The following TUB variants were observed in gnomAD, a reference collection of about 807,000 sequenced individuals.
TUB encodes the protein TUB bipartite transcription factor, also known as tubby protein homolog.
Under a neutral mutation model 59.7 loss-of-function variants are expected in TUB, and 33 were observed. The observed-to-expected ratio is 0.55, with a 90% CI of 0.42 to 0.74. The LOEUF (loss-of-function observed/expected upper bound fraction) is 0.74, where lower values mean the gene tolerates loss of function less well. Among genes scored for constraint, TUB ranks in the 30% least tolerant of loss-of-function variants. The pLI is 0.00. For synonymous variants in TUB, 293 were observed against 256.4 expected (o/e 1.14, Z -1.36); for missense variants, 659 against 672.0 (o/e 0.98, Z 0.21).
chr11:8,054,251 G>C (rs1942979832), intron 2 of TUB, among the ~76,000 whole-genome samples: 1 of 152,124 alleles, frequency 6.6e-6, no homozygotes, highest in East Asian at 1.9e-4. Flanking sequence ...TTCTTTTTAA[G>C]TTTAGAGATT....
rs1363840583 is a variant in TUB at position 8,104,929 on chromosome 11, TGTTTTTTTTTTTTTTTCTCCA to T, written c.*3311_*3331del. ...GCACAAAATTCTAGAAGCAGAAGGT[TGTTTTTTTTTTTTTTTCTCCA>T]TTCTGAAAATAGCAGGACATTTACC... is the stretch of plus-strand genomic sequence containing the variant. On this transcript the variant is annotated 3_prime_UTR_variant, in exon 12 of 12. Coordinates refer to ENST00000299506, the MANE Select transcript of TUB (RefSeq NM_177972.3). The T allele has an allele frequency of 6.8e-6, 1 of 147,776 alleles. No individual in the cohort carries two copies. Among genetic ancestry groups the T allele is most frequent in the Admixed American group, 6.7e-5 (1 of 14,922 alleles). The allele number at this position is 147,776 out of a possible 1,614,324, so 9.2% of individuals were successfully genotyped here.
upstream of TUB, among the ~76,000 whole-genome samples, chr11:8,038,018 GC>G (rs1942676588): frequency 6.6e-6 from 1 of 152,170 alleles, no homozygotes; most frequent in Non-Finnish European, 1.5e-5. Flanking sequence ...CATGAGCAGT[GC>G]TTGATGATTG....
chr11:8,101,848 CTTTCCAT>C lies in TUB; in HGVS notation c.*230_*236del. 6.6e-6 allele frequency: 3 copies of C among 452,110 alleles called. No homozygotes were observed. The highest frequency in any genetic ancestry group is 1.0e-5 in the Non-Finnish European group (3 of 286,272). The allele number at this position is 452,110 out of a possible 1,614,324, so 28.0% of individuals were successfully genotyped here. A position where few individuals can be genotyped will look rare whatever the true frequency, so the allele number is the denominator to read the frequency against. On this transcript the variant is annotated 3_prime_UTR_variant, in exon 12 of 12. Coordinates refer to ENST00000299506, the MANE Select transcript of TUB (RefSeq NM_177972.3). ...TGGGTGTGAAGGGATGAGAATAATT[CTTTCCAT>C]GCCACGAGATCAACACACACTCCCA...
chr11:8,092,284 G>A lies in TUB; in HGVS notation c.254-1762G>A, dbSNP rs140633956. ...TAGTGAGACCCCATCTTTAAAAAAA[G>A]TGAGCAGGGTGTGGTGACACCTGCC... On this transcript the variant is annotated intron_variant, in intron 3 of 11. Transcript: ENST00000299506. 6.7e-3 allele frequency among the ~76,000 whole-genome samples: 1,017 copies of A among 152,218 alleles called. 29 individuals are homozygous for A. Among genetic ancestry groups the A allele is most frequent in the Admixed American group, 0.055 (833 of 15,274 alleles).
At chr11:8,062,454 G>T (rs2133776639) in intron 2 of TUB, among the ~76,000 whole-genome samples, 1 of 152,224 alleles carries the variant, frequency 6.6e-6, no homozygotes, top group East Asian at 1.9e-4. Context: ...TCAGGGGCCT[G>T]TGGAGGGCTC....
chr11:8,074,094 TG>T (rs1554927290), intron 2 of TUB, among the ~76,000 whole-genome samples: 13 of 115,346 alleles, frequency 1.1e-4, no homozygotes, highest in South Asian at 9.1e-4. Flanking sequence ...TGGGTTTTTG[TG>T]GTTTTTTTTT....
upstream of TUB, among the ~76,000 whole-genome samples, chr11:8,080,504 A>G (rs1943528453): frequency 6.6e-6 from 1 of 152,192 alleles, no homozygotes; most frequent in Non-Finnish European, 1.5e-5. Flanking sequence ...GCTTTGGAGG[A>G]CACAGATCAC....
Position 8,081,562 on chromosome 11 carries a change from G to C in TUB, c.38+14G>C. 6 of 1,530,866 alleles carry C rather than the reference G, an allele frequency of 3.9e-6. No homozygotes were observed. The highest frequency in any genetic ancestry group is 2.0e-5 in the Admixed American group (1 of 50,196). The allele number at this position is 1,530,866 out of a possible 1,614,324, so 94.8% of individuals were successfully genotyped here. On this transcript the variant is annotated intron_variant, in intron 1 of 11. Transcript: ENST00000299506. ...GATTCCCTACAGGTACGCGGGCGCC[G>C]GGCCGGGGCGCCCACCACTCCCGAC... is the stretch of plus-strand genomic sequence containing the variant.
chr11:8,045,253 A>T (rs1334570485), intron 2 of TUB, among the ~76,000 whole-genome samples: 1 of 152,136 alleles, frequency 6.6e-6, no homozygotes, highest in East Asian at 1.9e-4. Context: ...TATTGAGAAT[A>T]AAAAAGATGT....
At chr11:8,027,629 C>T (rs1486187877) in intron 1 of TUB, among the ~76,000 whole-genome samples, 1 of 152,214 alleles carries the variant, frequency 6.6e-6, no homozygotes, top group African/African-American at 2.4e-5. Flanking sequence ...ATTCTCCTGC[C>T]TCAGCCTCCC....
intron 8 of TUB, 46 bp downstream of exon 8, chr11:8,097,872 C>G: frequency 1.4e-6 from 2 of 1,444,606 alleles, no homozygotes; most frequent in South Asian, 1.2e-5. Context: ...GAGGGAGGGG[C>G]AGGGGCAAGC....
rs763503882 is a variant in TUB at position 8,101,840 on chromosome 11, G to C, written c.*221G>C. The C allele has an allele frequency of 2.1e-6, 1 of 476,128 alleles. No homozygotes were observed. The highest frequency in any genetic ancestry group is 3.2e-6 in the Non-Finnish European group (1 of 313,502). 29.5% of individuals were successfully genotyped at this position (476,128 alleles called of 1,614,324 possible). On this transcript the variant is annotated 3_prime_UTR_variant, in exon 12 of 12. Coordinates refer to ENST00000299506, the MANE Select transcript of TUB (RefSeq NM_177972.3). Reference sequence around the variant, plus strand: ...CGGGTGGGTGGGTGTGAAGGGATGAGAATAATTCTTTCCATGCCACGAGAT... The same window carrying C: ...CGGGTGGGTGGGTGTGAAGGGATGACAATAATTCTTTCCATGCCACGAGAT...
chr11:8,064,113 AG>A (rs2133780854), intron 2 of TUB, among the ~76,000 whole-genome samples: 1 of 152,334 alleles, frequency 6.6e-6, no homozygotes, highest in African/African-American at 2.4e-5. Flanking sequence ...CTCAGTTCTC[AG>A]TCTCCCACCA....
chr11:8,021,048 T>G (rs898450112), intron 1 of TUB, among the ~76,000 whole-genome samples: 2 of 152,210 alleles, frequency 1.3e-5, no homozygotes, highest in African/African-American at 4.8e-5. Flanking sequence ...AGCAAACCTA[T>G]AAAAGCAGAA....
At chr11:8,097,874 GGGGCAA>G in intron 8 of TUB, 48 bp downstream of exon 8, 1 of 1,448,196 alleles carries the variant, frequency 6.9e-7, no homozygotes, top group Non-Finnish European at 9.7e-7. Flanking sequence ...GGGAGGGGCA[GGGGCAA>G]GCTGTCTGTA....
chr11:8,080,862 C>A (rs1457602042), upstream of TUB, among the ~76,000 whole-genome samples: 2 of 152,224 alleles, frequency 1.3e-5, no homozygotes, highest in African/African-American at 4.8e-5. Context: ...TGGATTCCTT[C>A]TCCATCCGCG....
At chr11:8,097,630 GGA>G (rs1177267054) in intron 7 of TUB, 82 bp from the exon 8 acceptor site, 5 of 1,355,364 alleles carry the variant, frequency 3.7e-6, no homozygotes, top group South Asian at 1.3e-5. Context: ...CTGACGCAAC[GGA>G]GAGAGTCTGT....
chr11:8,041,612 A>G (rs1050464349), intron 2 of TUB, among the ~76,000 whole-genome samples: 52 of 152,238 alleles, frequency 3.4e-4, no homozygotes, highest in African/African-American at 1.3e-3. Flanking sequence ...TGTACCTCGT[A>G]TGCATTCTGC....
intron 2 of TUB, among the ~76,000 whole-genome samples, chr11:8,060,647 G>A (rs1943105218): frequency 6.6e-6 from 1 of 152,166 alleles, no homozygotes; most frequent in African/African-American, 2.4e-5. Context: ...GGGAGAGACT[G>A]AGAGTGTGGA....
Sources: allele counts gnomAD v4.1 joint callset (sites outside exome capture counted in the v4.1 genomes callset), GRCh38; gene constraint gnomAD v4.1.1; transcripts MANE v1.5; gene names NCBI Gene and HGNC (gene_info 2026-07-23, HGNC 2026-07-21).